PCDH15: variants seen among roughly 807,000 people sequenced by gnomAD.
PCDH15 encodes protocadherin-15.
PCDH15 carries 129 observed loss-of-function variants against 178.5 expected under a neutral mutation model. That is an observed-to-expected ratio of 0.72 (90% confidence interval 0.63 to 0.84). The LOEUF is 0.84. Ranked by LOEUF, PCDH15 falls within the 40% of genes least tolerant of loss-of-function variation. PCDH15 has a pLI of 0.00. For missense variants in PCDH15, 2,230 were observed against 2,099.9 expected (o/e 1.06, Z -1.21); for synonymous variants, 800 against 732.0 (o/e 1.09, Z -1.50).
chr10:53,916,286 G>A (rs2083522994), intron 25 of PCDH15, among the ~76,000 whole-genome samples: 1 of 152,026 alleles, frequency 6.6e-6, no homozygotes, highest in Non-Finnish European at 1.5e-5. Context: ...AAATAATCAG[G>A]AAAAAACAGT....
chr10:53,886,778 A>C (rs2081132827), intron 26 of PCDH15, among the ~76,000 whole-genome samples: 1 of 152,034 alleles, frequency 6.6e-6, no homozygotes, highest in East Asian at 1.9e-4. Flanking sequence ...ATATGTTCAG[A>C]GCTCACTGCC....
At chr10:54,148,641 A>T (rs2044219204) in intron 14 of PCDH15, among the ~76,000 whole-genome samples, 1 of 152,020 alleles carries the variant, frequency 6.6e-6, no homozygotes, top group South Asian at 2.1e-4. Flanking sequence ...CATCCAACTA[A>T]ATGTGTCCAA....
At chr10:54,046,672 G>A (rs2093661931) in intron 18 of PCDH15, among the ~76,000 whole-genome samples, 1 of 152,098 alleles carries the variant, frequency 6.6e-6, no homozygotes, top group Admixed American at 6.6e-5. Context: ...GAAAGCAATT[G>A]CGCCTGAGAA....
chr10:55,073,454 T>A (rs1014778767), intron 2 of PCDH15, among the ~76,000 whole-genome samples: 2 of 152,010 alleles, frequency 1.3e-5, no homozygotes, highest in Non-Finnish European at 2.9e-5. Context: ...TATACACCAA[T>A]AACAGACAAA....
At chr10:53,928,760 A>G (rs1006726005) in intron 25 of PCDH15, among the ~76,000 whole-genome samples, 1 of 152,042 alleles carries the variant, frequency 6.6e-6, no homozygotes, top group Non-Finnish European at 1.5e-5. Context: ...ATTATTAATC[A>G]GTAATTAATA....
At chr10:55,467,974 A>AAAAAAAAAAAAAAAAAAAAAAAC (rs1839870524) in intron 2 of PCDH15, among the ~76,000 whole-genome samples, 1 of 144,244 alleles carries the variant, frequency 6.9e-6, no homozygotes, top group Non-Finnish European at 1.5e-5. Context: ...CTCAAAAAAA[A>AAAAAAAAAAAAAAAAAAAAAAAC]AAAAAAAAAA....
At chr10:53,821,747 C>T in intron 32 of PCDH15, 1 of 1,545,782 alleles carries the variant, frequency 6.5e-7, no homozygotes, top group South Asian at 1.2e-5. Flanking sequence ...AACTGCATTT[C>T]ATTGAATTTG....
chr10:53,917,153 G>A (rs927722056), intron 25 of PCDH15, among the ~76,000 whole-genome samples: 1 of 152,034 alleles, frequency 6.6e-6, no homozygotes, highest in Non-Finnish European at 1.5e-5. Flanking sequence ...TATTAAATAT[G>A]CATACTTTTG....
chr10:55,339,802 A>C (rs1294841105), intron 2 of PCDH15, among the ~76,000 whole-genome samples: 1 of 152,108 alleles, frequency 6.6e-6, no homozygotes, highest in Non-Finnish European at 1.5e-5. Context: ...ACACTTGAGT[A>C]CATGGAAAGG....
chr10:54,625,106 T>C (rs1175715555), intron 2 of PCDH15, among the ~76,000 whole-genome samples: 2 of 152,158 alleles, frequency 1.3e-5, no homozygotes, highest in Non-Finnish European at 2.9e-5. Context: ...AAAGCAAAAG[T>C]ACCAAAGCAC....
chr10:55,489,635 A>G (rs1038504462), intron 2 of PCDH15, among the ~76,000 whole-genome samples: 4 of 151,728 alleles, frequency 2.6e-5, no homozygotes, highest in African/African-American at 4.8e-5. Context: ...AGTAGTTAAC[A>G]TCGAGTATTG....
intron 3 of PCDH15, among the ~76,000 whole-genome samples, chr10:54,439,051 A>G (rs2075624226): frequency 1.3e-5 from 2 of 152,044 alleles, no homozygotes; most frequent in South Asian, 4.1e-4. Context: ...CGGTCATTTA[A>G]TAGGGAATAA....
In PCDH15 at chr10:54,132,874, C is replaced by A. The variant is rs772911878; in HGVS notation, c.1917+1G>T. 1 of 1,610,496 alleles carries A rather than the reference C, an allele frequency of 6.2e-7. No individual in the cohort carries two copies. The highest frequency in any genetic ancestry group is 8.5e-7 in the Non-Finnish European group (1 of 1,178,204). On this transcript the variant is annotated splice_donor_variant, in intron 15 of 37. Transcript: ENST00000644397. LOFTEE classifies it high-confidence loss of function. ...ACACACACACACACCAAGGAACATA[C>A]CTGTAGATTTAATAAAACAGCACCA...
At chr10:54,140,684 G>T (rs999941652) in intron 14 of PCDH15, among the ~76,000 whole-genome samples, 9 of 151,366 alleles carry the variant, frequency 5.9e-5, no homozygotes, top group Non-Finnish European at 1.2e-4. Flanking sequence ...GGTCATGATG[G>T]TCTCAATCTC....
chr10:55,092,437 T>C (rs1411118245), intron 2 of PCDH15, among the ~76,000 whole-genome samples: 1 of 151,912 alleles, frequency 6.6e-6, no homozygotes, highest in African/African-American at 2.4e-5. Context: ...AGAATTCCCA[T>C]AATGCCAAAG....
chr10:55,034,239 A>G (rs547519333), intron 2 of PCDH15, among the ~76,000 whole-genome samples: 1 of 152,302 alleles, frequency 6.6e-6, no homozygotes, highest in African/African-American at 2.4e-5. Flanking sequence ...CTACTGACCC[A>G]ACAAGTGAAG....
intron 2 of PCDH15, among the ~76,000 whole-genome samples, chr10:55,543,585 T>C (rs973178623): frequency 6.6e-6 from 1 of 151,102 alleles, no homozygotes; most frequent in Non-Finnish European, 1.5e-5. Flanking sequence ...TTTAGAGAGA[T>C]CAAATCACAT....
chr10:55,529,097 G>A (rs1447642435), intron 2 of PCDH15, among the ~76,000 whole-genome samples: 3 of 151,876 alleles, frequency 2.0e-5, no homozygotes, highest in Non-Finnish European at 2.9e-5. Flanking sequence ...TTGTAAATTT[G>A]TTTGAGTTCT....
intron 8 of PCDH15, among the ~76,000 whole-genome samples, chr10:54,257,049 T>TTAGATAGA (rs10569518): frequency 0.11 from 15,955 of 149,406 alleles, 905 homozygotes; most frequent in East Asian, 0.13. Flanking sequence ...TCTCGATAGA[T>TTAGATAGA]TAGATAGATA....
Sources: allele counts gnomAD v4.1 joint callset (sites outside exome capture counted in the v4.1 genomes callset), GRCh38; gene constraint gnomAD v4.1.1; transcripts MANE v1.5; gene names NCBI Gene and HGNC (gene_info 2026-07-23, HGNC 2026-07-21).